The following WDR64 variants were observed in gnomAD, a reference collection of about 807,000 sequenced individuals.
WDR64 encodes the protein WD repeat-containing protein 64.
A neutral mutation model predicts 139.3 loss-of-function variants in WDR64; 112 were observed. That is an observed-to-expected ratio of 0.80 (90% CI 0.69 to 0.94). WDR64 has a LOEUF of 0.94. WDR64 is among the 40% of genes least tolerant of loss of function. The probability of loss-of-function intolerance (pLI) is 0.00; values close to 1 mark genes in which losing one functional copy is unlikely to be tolerated. For synonymous variants in WDR64, 444 were observed against 437.7 expected (o/e 1.01, Z -0.18); for missense variants, 1,206 against 1,293.1 (o/e 0.93, Z 1.03).
intron 8 of WDR64, among the ~76,000 whole-genome samples, chr1:241,706,640 T>C (rs1194912156): frequency 4.6e-5 from 7 of 152,374 alleles, no homozygotes; most frequent in Admixed American, 3.9e-4. Flanking sequence ...TAGATTTAAA[T>C]TAGTTCAAAA....
chr1:241,757,421 G>C lies in WDR64; in HGVS notation c.1909G>C (p.Glu637Gln). The change falls in exon 15 of 28, where the codon GAG becomes CAG. Residue 637 changes from glutamate (E) to glutamine (Q), a missense_variant. Transcript: ENST00000437684. ...RNMAIPFPDV[E>Q]LIVERNFSQP... ...CATGGCTATTCCTTTCCCAGATGTC[G>C]AGTTGATAGTTGAGAGGAACTTTTC... The C allele has an allele frequency of 6.2e-7, 1 of 1,613,394 alleles. No homozygotes were observed. Among genetic ancestry groups the C allele is most frequent in the Non-Finnish European group, 8.5e-7 (1 of 1,179,698 alleles).
chr1:241,793,409 T>C (rs1330379725), intron 25 of WDR64, among the ~76,000 whole-genome samples: 1 of 152,132 alleles, frequency 6.6e-6, no homozygotes, highest in African/African-American at 2.4e-5. Context: ...TATGTCATTA[T>C]TCTTTAACAG....
At chr1:241,687,654 T>A in intron 8 of WDR64, 59 bp downstream of exon 8, 1 of 1,503,886 alleles carries the variant, frequency 6.6e-7, no homozygotes, top group Non-Finnish European at 9.0e-7. Flanking sequence ...TTTACAATGA[T>A]AAAACCATGA....
chr1:241,788,411 A>G (rs1244588502), intron 24 of WDR64, among the ~76,000 whole-genome samples: 1 of 152,188 alleles, frequency 6.6e-6, no homozygotes, highest in Admixed American at 6.5e-5. Flanking sequence ...CTTTGTCATA[A>G]TGGAAAAGAT....
intron 27 of WDR64, among the ~76,000 whole-genome samples, chr1:241,796,735 C>A (rs1036186071): frequency 1.2e-4 from 18 of 152,104 alleles, no homozygotes; most frequent in African/African-American, 4.3e-4. Context: ...CTCAGGTGAT[C>A]CACCCACCTC....
intron 6 of WDR64, among the ~76,000 whole-genome samples, chr1:241,682,034 T>C (rs1452122447): frequency 6.6e-6 from 1 of 152,194 alleles, no homozygotes; most frequent in Non-Finnish European, 1.5e-5. Flanking sequence ...TATTAGTCCT[T>C]TGTCAGATGT....
Position 241,701,611 on chromosome 1 carries a change from C to T in WDR64, c.975-10191C>T, listed in dbSNP as rs540047431. Among the ~76,000 whole-genome samples, 27 of 152,298 alleles carry T rather than the reference C, an allele frequency of 1.8e-4. No individual in the cohort carries two copies. The East Asian group carries it at 5.0e-3, about 28-fold the overall frequency. ...GGAATTTGGTTGGTAATGTATTCGTCTGAGAAGAAGTCAGGAAGTCAGTTG... is the reference window on the plus strand; with the variant it reads ...GGAATTTGGTTGGTAATGTATTCGTTTGAGAAGAAGTCAGGAAGTCAGTTG... On this transcript the variant is annotated intron_variant, in intron 8 of 27. Coordinates refer to ENST00000437684, the MANE Select transcript of WDR64 (RefSeq NM_001367482.1).
chr1:241,795,280 T>C lies in WDR64; in HGVS notation c.3071T>C (p.Ile1024Thr), dbSNP rs201575951. Reference sequence around the variant, plus strand: ...GGGATTGTTTTCGGCTCTCTGCCTATATACAGTGTGAGTTGGAGTTTCTAG... The same window carrying C: ...GGGATTGTTTTCGGCTCTCTGCCTACATACAGTGTGAGTTGGAGTTTCTAG... ...EAGIVFGSLP[I>T]YSISSPTSLR... Residue 1024 changes from isoleucine to threonine, a missense_variant, in exon 26 of 28, where the codon ATA becomes ACA. Transcript: ENST00000437684. The C allele has an allele frequency of 4.6e-5, 74 of 1,612,912 alleles. No homozygotes were observed. The South Asian group carries it at 7.7e-4, about 17-fold the overall frequency.
intron 18 of WDR64, among the ~76,000 whole-genome samples, chr1:241,771,284 A>G (rs1658415721): frequency 6.6e-6 from 1 of 152,196 alleles, no homozygotes; most frequent in African/African-American, 2.4e-5. Flanking sequence ...TTATTATCTG[A>G]TTAGCTTTAG....
At chr1:241,701,876 A>G (rs771641991) in intron 8 of WDR64, among the ~76,000 whole-genome samples, 17 of 152,206 alleles carry the variant, frequency 1.1e-4, no homozygotes, top group Admixed American at 8.5e-4. Context: ...GTAATTTCCT[A>G]TAATGAATCT....
intron 2 of WDR64, among the ~76,000 whole-genome samples, chr1:241,669,979 A>G (rs756787646): frequency 2.0e-5 from 3 of 152,162 alleles, no homozygotes; most frequent in Non-Finnish European, 2.9e-5. Flanking sequence ...TGAAATTTCA[A>G]AAGGATTCCT....
chr1:241,794,919 T>C (rs1393269075), intron 25 of WDR64, among the ~76,000 whole-genome samples: 3 of 152,192 alleles, frequency 2.0e-5, no homozygotes, highest in Admixed American at 2.0e-4. Context: ...AGTCTTGTTT[T>C]GTCCATTCCT....
At chr1:241,690,497 C>G (rs1667177450) in intron 8 of WDR64, among the ~76,000 whole-genome samples, 2 of 151,714 alleles carry the variant, frequency 1.3e-5, no homozygotes, top group African/African-American at 4.8e-5. Flanking sequence ...TGAAATGAGC[C>G]AGAGGGGAAA....
intron 3 of WDR64, among the ~76,000 whole-genome samples, chr1:241,672,165 T>C (rs891641692): frequency 1.3e-5 from 2 of 152,114 alleles, no homozygotes; most frequent in African/African-American, 4.8e-5. Flanking sequence ...ACAGAGACTC[T>C]GTCTCAAACA....
intron 1 of WDR64, among the ~76,000 whole-genome samples, chr1:241,658,932 G>C (rs1665720297): frequency 6.7e-6 from 1 of 150,320 alleles, no homozygotes; most frequent in African/African-American, 2.5e-5. Context: ...AGGGGTACGT[G>C]TGCAGGATGT....
rs1364603900 is a variant in WDR64, at chr1:241,744,479, T to C, written c.1557T>C (p.Asp519=). The change falls in exon 13 of 28, where the codon GAT becomes GAC. Residue 519 remains aspartate, a synonymous_variant. Transcript: ENST00000437684. ...FNTEVTSAAV[D]ESGFLFATGA... is the part of the protein sequence containing the mutation. ...CTGAAGTGACTTCTGCAGCTGTCGATGAAAGTGGATTTCTTTTTGCCACAG... is the reference window on the plus strand; with the variant it reads ...CTGAAGTGACTTCTGCAGCTGTCGACGAAAGTGGATTTCTTTTTGCCACAG... The C allele has an allele frequency of 1.2e-6, 2 of 1,614,064 alleles. No individual in the cohort carries two copies. Among genetic ancestry groups the C allele is most frequent in the Non-Finnish European group, 1.7e-6 (2 of 1,180,014 alleles).
intron 27 of WDR64, 64 bp from the exon 28 acceptor site, chr1:241,801,068 C>T: frequency 7.3e-7 from 1 of 1,371,136 alleles, no homozygotes. Flanking sequence ...TACACCTTGA[C>T]TCTGGAAAAT....
chr1:241,713,681 C>G (rs756124550), intron 9 of WDR64, among the ~76,000 whole-genome samples: 1 of 151,970 alleles, frequency 6.6e-6, no homozygotes, highest in Non-Finnish European at 1.5e-5. Flanking sequence ...ATCACTTTGG[C>G]AAAGGTGGAG....
At chr1:241,736,319 T>C (rs897007900) in intron 10 of WDR64, among the ~76,000 whole-genome samples, 2 of 151,884 alleles carry the variant, frequency 1.3e-5, no homozygotes, top group African/African-American at 4.8e-5. Context: ...TTTGAAGATA[T>C]ATTTTCTGTG....
Sources: allele counts gnomAD v4.1 joint callset (sites outside exome capture counted in the v4.1 genomes callset), GRCh38; gene constraint gnomAD v4.1.1; transcripts MANE v1.5; gene names NCBI Gene and HGNC (gene_info 2026-07-23, HGNC 2026-07-21).